FBF1: variants seen among roughly 807,000 people sequenced by gnomAD.
The protein encoded by FBF1 is Fas binding factor 1, also known as fas-binding factor 1.
FBF1 carries 119 observed loss-of-function variants against 147.2 expected under a neutral mutation model. That is an observed-to-expected ratio of 0.81 (90% CI 0.70 to 0.94). FBF1 has a LOEUF of 0.94. Among genes scored for constraint, FBF1 ranks in the 40% least tolerant of loss-of-function variants. The pLI is 0.00. For missense variants in FBF1, 1,449 were observed against 1,500.8 expected (o/e 0.97, Z 0.57); for synonymous variants, 601 against 609.0 (o/e 0.99, Z 0.19).
In FBF1 at chr17:75,912,264, C is replaced by T. The variant is rs564017380; in HGVS notation, c.3291G>A (p.Pro1097=). The part of the protein sequence containing the change: ...PAPTTRWCSQ[P]PTGLDPSPLH... ...AGGGGCTGGGGTCCAGGCCAGTTGG[C>T]GGCTGGCTGCACCAACGGGTGGTGG... Residue 1097 remains proline (P), a synonymous_variant, in exon 29 of 30, where the codon CCG becomes CCA. Coordinates refer to ENST00000636174, the MANE Select transcript of FBF1 (RefSeq NM_001319193.2). 125 of 1,609,206 alleles carry T rather than the reference C, an allele frequency of 7.8e-5. 1 individual carries two copies. The South Asian group carries it at 9.1e-4, about 12-fold the overall frequency.
At chr17:75,913,531 A>G (rs201351363) in intron 28 of FBF1, 171 bp downstream of exon 28, 58 of 505,540 alleles carry the variant, frequency 1.1e-4, no homozygotes, top group Non-Finnish European at 1.7e-5. Context: ...GTGTTCCTCT[A>G]TTTCTGATTT....
chr17:75,928,989 CTT>C lies in FBF1; in HGVS notation c.280-798_280-797del, dbSNP rs755287020. ...TACAGGAGTAAGCCACCATGCCAGA[CTT>C]TTTTTTTTTTTTTGAAGACAGAGTC... is the stretch of plus-strand genomic sequence containing the variant. On this transcript the variant is annotated intron_variant, in intron 7 of 29. Coordinates refer to ENST00000636174, the MANE Select transcript of FBF1 (RefSeq NM_001319193.2). This position sits in a 1 kb window ranked among gnomAD's most constrained non-coding sequence, Gnocchi z 4.2. 1.1e-4 allele frequency among the ~76,000 whole-genome samples: 15 copies of C among 136,010 alleles called. No individual in the cohort carries two copies. Among genetic ancestry groups the C allele is most frequent in the Non-Finnish European group, 1.3e-4 (8 of 62,668 alleles). The allele number at this position is 136,010 out of a possible 152,430, so 89.2% of individuals were successfully genotyped here. A position where few individuals can be genotyped will look rare whatever the true frequency, so the allele number is the denominator to read the frequency against.
At chr17:75,931,317 C>G in intron 5 of FBF1, 28 bp from the exon 6 acceptor site, 2 of 1,567,512 alleles carry the variant, frequency 1.3e-6, no homozygotes, top group Non-Finnish European at 1.7e-6. Flanking sequence ...CAGCCCCTAC[C>G]TGCATCCCAG....
In FBF1 at chr17:75,941,030, C is replaced by A. The variant is rs995759138; in HGVS notation, c.-266G>T. On this transcript the variant is annotated 5_prime_UTR_variant, in exon 1 of 30. Coordinates refer to ENST00000636174, the MANE Select transcript of FBF1 (RefSeq NM_001319193.2). Reference sequence around the variant, plus strand: ...CTCCCGCTTCCAGCCGCTGCCGGCACCCTCAGCCGTCTGGCCTCCCGCGGA... The same window carrying A: ...CTCCCGCTTCCAGCCGCTGCCGGCAACCTCAGCCGTCTGGCCTCCCGCGGA... The A allele has an allele frequency of 3.3e-5, 5 of 152,302 alleles. No individual in the cohort carries two copies. Among genetic ancestry groups the A allele is most frequent in the African/African-American group, 1.2e-4 (5 of 41,482 alleles). The allele number at this position is 152,302 out of a possible 1,614,324, so 9.4% of individuals were successfully genotyped here.
chr17:75,909,702 G>A lies in FBF1; in HGVS notation c.*1021C>T, dbSNP rs2065446807. ...GCCACCGCAGACCGCAGGTGCTGGA[G>A]GGGAGAGGCACGTGGCCAGAGGCGC... On this transcript the variant is annotated 3_prime_UTR_variant, in exon 30 of 30. Transcript: ENST00000636174. The A allele has an allele frequency of 3.4e-6, 2 of 581,192 alleles. No individual in the cohort carries two copies. Among genetic ancestry groups the A allele is most frequent in the South Asian group, 2.2e-5 (1 of 45,900 alleles). The allele number at this position is 581,192 out of a possible 1,614,324, so 36.0% of individuals were successfully genotyped here.
At chr17:75,924,885 A>C (rs1390415317) in intron 13 of FBF1, among the ~76,000 whole-genome samples, 2 of 151,498 alleles carry the variant, frequency 1.3e-5, no homozygotes, top group Non-Finnish European at 2.9e-5. Flanking sequence ...TTTTTTTTGT[A>C]AACTGAGAGG....
At position 75,923,394 on chromosome 17, in the gene FBF1, A is replaced by AG; in HGVS notation, c.1215dup (p.Ser406LeufsTer8). 3.1e-6 allele frequency: 5 copies of AG among 1,607,022 alleles called. No homozygotes were observed. The highest frequency in any genetic ancestry group is 3.4e-6 in the Non-Finnish European group (4 of 1,177,282). ...CCTTCAGTTGGTGGCTTTGCCCTGG[A>AG]GGGGGGCAGCCCAGCTGGCGTGGAG... On this transcript the variant is annotated frameshift_variant, in exon 14 of 30. Transcript: ENST00000636174. LOFTEE classifies it high-confidence loss of function. This position sits in a 1 kb window ranked among gnomAD's most constrained non-coding sequence, Gnocchi z 4.1.
chr17:75,914,903 G>A lies in FBF1; in HGVS notation c.2658C>T (p.Val886=), dbSNP rs748408284. The change falls in exon 25 of 30, where the codon GTC becomes GTT. Residue 886 remains valine (V), a synonymous_variant. Transcript: ENST00000636174. ...GCCGCTCCTCCCCGCACTTGAGCAT[G>A]ACAGACTTCTGCTCCTCCAGCAAGG... The part of the protein sequence containing the change: ...KSALLEEQKS[V]MLKCGEERRR... 8 of 1,612,272 alleles carry A rather than the reference G, an allele frequency of 5.0e-6. No individual in the cohort carries two copies. Among genetic ancestry groups the A allele is most frequent in the Non-Finnish European group, 4.2e-6 (5 of 1,179,486 alleles).
At position 75,913,830 on chromosome 17, in the gene FBF1, TC is replaced by T; in HGVS notation, c.3130-12del. On this transcript the variant is annotated splice_polypyrimidine_tract_variant and intron_variant, in intron 27 of 29. Transcript: ENST00000636174. ...CAGACTCAGATGCTCCTGTCCCCGT[TC>T]CCCCAGAAAGAAGGACTCAGCTGTG... The T allele has an allele frequency of 1.3e-6, 2 of 1,593,196 alleles. No homozygotes were observed.
intron 3 of FBF1, 35 bp downstream of exon 3, chr17:75,937,531 T>C (rs1233646457): frequency 1.9e-6 from 3 of 1,611,388 alleles, no homozygotes; most frequent in Admixed American, 1.7e-5. Context: ...AGATATATAT[T>C]TGGCTTAAGA....
In FBF1 at chr17:75,923,721, A is replaced by T. The variant is rs1226066515; in HGVS notation, c.969-80T>A. 11 of 1,363,154 alleles carry T rather than the reference A, an allele frequency of 8.1e-6. No individual in the cohort carries two copies. Among genetic ancestry groups the T allele is most frequent in the Non-Finnish European group, 9.9e-6 (10 of 1,010,888 alleles). The allele number at this position is 1,363,154 out of a possible 1,614,324, so 84.4% of individuals were successfully genotyped here. On this transcript the variant is annotated intron_variant, in intron 13 of 29. Transcript: ENST00000636174. The surrounding 1 kb of genome is among the most constrained non-coding windows in gnomAD (Gnocchi z 4.1). Reference sequence around the variant, plus strand: ...CCCTAGCAGCCTGCAGCTGGGCGTCACGATGCCCAGGGACCCTGCACAGTC... The same window carrying T: ...CCCTAGCAGCCTGCAGCTGGGCGTCTCGATGCCCAGGGACCCTGCACAGTC...
At position 75,910,176 on chromosome 17, in the gene FBF1, T is replaced by C. The variant is rs529127239; in HGVS notation, c.*547A>G. ...AAGCCCAGGAGGAGGAGGGCCTGGC[T>C]GAGTTCCAGGAACATCTCACACCAC... is the stretch of plus-strand genomic sequence containing the variant. On this transcript the variant is annotated 3_prime_UTR_variant, in exon 30 of 30. Coordinates refer to ENST00000636174, the MANE Select transcript of FBF1 (RefSeq NM_001319193.2). This position sits in a 1 kb window ranked among gnomAD's most constrained non-coding sequence, Gnocchi z 4.1. 5.0e-6 allele frequency: 2 copies of C among 401,282 alleles called. No homozygotes were observed. The highest frequency in any genetic ancestry group is 4.1e-5 in the African/African-American group (2 of 48,806). The allele number at this position is 401,282 out of a possible 1,614,324, so 24.9% of individuals were successfully genotyped here.
chr17:75,920,042 G>GTGCTGC lies in FBF1; in HGVS notation c.1890_1895dup (p.Gln630_Gln631dup). 1.9e-6 allele frequency: 3 copies of GTGCTGC among 1,602,746 alleles called. No individual in the cohort carries two copies. Among genetic ancestry groups the GTGCTGC allele is most frequent in the Non-Finnish European group, 2.6e-6 (3 of 1,175,106 alleles). On this transcript the variant is annotated inframe_insertion, in exon 19 of 30. Coordinates refer to ENST00000636174, the MANE Select transcript of FBF1 (RefSeq NM_001319193.2). ...TCTCGATGAGCTCCAGGTCTGCCTG[G>GTGCTGC]TGCTGCTGCTGCAGACTCCCCAGCA...
At position 75,910,582 on chromosome 17, in the gene FBF1, G is replaced by C. The variant is rs2065451004; in HGVS notation, c.*141C>G. On this transcript the variant is annotated 3_prime_UTR_variant, in exon 30 of 30. Coordinates refer to ENST00000636174, the MANE Select transcript of FBF1 (RefSeq NM_001319193.2). The surrounding 1 kb of genome is among the most constrained non-coding windows in gnomAD (Gnocchi z 4.1). ...TGGCACATTTGGAAAGGATGCACTTGCACCCTGTCCACGGAAGAGCTGTCA... is the reference window on the plus strand; with the variant it reads ...TGGCACATTTGGAAAGGATGCACTTCCACCCTGTCCACGGAAGAGCTGTCA... 6 of 719,296 alleles carry C rather than the reference G, an allele frequency of 8.3e-6. No individual in the cohort carries two copies. The highest frequency in any genetic ancestry group is 2.6e-5 in the Admixed American group (1 of 38,900). 44.6% of individuals were successfully genotyped at this position (719,296 alleles called of 1,614,324 possible). A position where few individuals can be genotyped will look rare whatever the true frequency, so the allele number is the denominator to read the frequency against.
At position 75,910,321 on chromosome 17, in the gene FBF1, C is replaced by T. The variant is rs2065449657; in HGVS notation, c.*402G>A. ...AGGGAAGGCTGTTTGTGGCATCCCTCAAGAAAGCTCCTGCCTCAGAAGAGG... is the reference window on the plus strand; with the variant it reads ...AGGGAAGGCTGTTTGTGGCATCCCTTAAGAAAGCTCCTGCCTCAGAAGAGG... On this transcript the variant is annotated 3_prime_UTR_variant, in exon 30 of 30. Coordinates refer to ENST00000636174, the MANE Select transcript of FBF1 (RefSeq NM_001319193.2). This position sits in a 1 kb window ranked among gnomAD's most constrained non-coding sequence, Gnocchi z 4.1. 2 of 317,512 alleles carry T rather than the reference C, an allele frequency of 6.3e-6. No homozygotes were observed. Among genetic ancestry groups the T allele is most frequent in the Admixed American group, 4.2e-5 (1 of 23,712 alleles). The allele number at this position is 317,512 out of a possible 1,614,324, so 19.7% of individuals were successfully genotyped here.
At position 75,914,897 on chromosome 17, in the gene FBF1, G is replaced by A. The variant is rs747575863; in HGVS notation, c.2664C>T (p.Leu888=). ...ALLEEQKSVM[L]KCGEERRRLA... ...GGCGCCGCCGCTCCTCCCCGCACTT[G>A]AGCATGACAGACTTCTGCTCCTCCA... is the stretch of plus-strand genomic sequence containing the variant. Residue 888 remains leucine, a synonymous_variant, in exon 25 of 30, where the codon CTC becomes CTT. Coordinates refer to ENST00000636174, the MANE Select transcript of FBF1 (RefSeq NM_001319193.2). 53 of 1,612,202 alleles carry A rather than the reference G, an allele frequency of 3.3e-5. No individual in the cohort carries two copies. Among genetic ancestry groups the A allele is most frequent in the Non-Finnish European group, 4.2e-6 (5 of 1,179,612 alleles).
At position 75,927,527 on chromosome 17, in the gene FBF1, C is replaced by T; in HGVS notation, c.403G>A (p.Ala135Thr). The T allele has an allele frequency of 6.2e-7, 1 of 1,600,100 alleles. No homozygotes were observed. Among genetic ancestry groups the T allele is most frequent in the African/African-American group, 1.3e-5 (1 of 74,786 alleles). The change falls in exon 9 of 30, where the codon GCC becomes ACC. Residue 135 changes from alanine to threonine, a missense_variant. Transcript: ENST00000636174. ...GGAAGTGACTTCTTGGTGGGAATGG[C>T]ACCCCCTGCAGGAAGCAGAAGACAA... ...LPNHPKPAGGAIPTKKSLPSP... is the reference protein window; with the variant it reads ...LPNHPKPAGGTIPTKKSLPSP...
rs765169933 is a variant in FBF1 at position 75,920,355 on chromosome 17, C to T, written c.1749G>A (p.Gln583=). Reference sequence around the variant, plus strand: ...CAGCGGGGCTGCACTGAAGTTGCACCTGTGCTGCCAGGAGCTGCTTCTGGT... The same window carrying T: ...CAGCGGGGCTGCACTGAAGTTGCACTTGTGCTGCCAGGAGCTGCTTCTGGT... ...TEYQKQLLAA[Q]VQLQCSPAEL... is the part of the protein sequence containing the mutation. The change falls in exon 18 of 30, where the codon CAG becomes CAA. Residue 583 remains glutamine, a synonymous_variant. Coordinates refer to ENST00000636174, the MANE Select transcript of FBF1 (RefSeq NM_001319193.2). The T allele has an allele frequency of 2.5e-5, 40 of 1,607,790 alleles. No homozygotes were observed. Among genetic ancestry groups the T allele is most frequent in the Non-Finnish European group, 3.2e-5 (38 of 1,177,810 alleles).
intron 2 of FBF1, 120 bp downstream of exon 2, chr17:75,938,027 G>T: frequency 6.9e-7 from 1 of 1,447,840 alleles, no homozygotes; most frequent in Non-Finnish European, 9.5e-7. Flanking sequence ...TCTTCTCCAG[G>T]GTCTCCATCC....
Sources: gnomAD v4.1 joint callset for allele counts (sites outside exome capture counted in the v4.1 genomes callset) on GRCh38, gnomAD v4.1.1 for gene constraint, Gnocchi (gnomAD v3.1) non-coding constraint, MANE v1.5 for transcripts, NCBI Gene and HGNC (gene_info 2026-07-23, HGNC 2026-07-21) for gene names.